Variants in ACAD9 observed in about 807,000 individuals in gnomAD.
ACAD9 encodes complex I assembly factor ACAD9, mitochondrial.
ACAD9 carries 53 observed loss-of-function variants against 70.2 expected under a neutral mutation model. The observed-to-expected ratio is 0.75, with a 90% CI of 0.61 to 0.95. ACAD9 has a LOEUF of 0.95. Ranked by LOEUF, ACAD9 falls within the 40% of genes least tolerant of loss-of-function variation. ACAD9 has a pLI of 0.00. For synonymous variants in ACAD9, 313 were observed against 312.1 expected, an observed-to-expected ratio of 1.00 and a Z score of -0.03; for missense variants, 777 against 802.8, an observed-to-expected ratio of 0.97 and a Z score of 0.39.
At chr3:128,900,976 C>A (rs1017645178) in intron 7 of ACAD9, among the ~76,000 whole-genome samples, 2 of 152,142 alleles carry the variant, frequency 1.3e-5, no homozygotes, top group Non-Finnish European at 2.9e-5. Context: ...AAAAGTCTGA[C>A]ATAGTCCTTA....
At position 128,912,601 on chromosome 3, in the gene ACAD9, A is replaced by C. The variant is rs762217879; in HGVS notation, c.1860A>C (p.Thr620=). The change falls in exon 18 of 18, where the codon ACA becomes ACC. Residue 620 remains threonine, a synonymous_variant. Coordinates refer to ENST00000308982, the MANE Select transcript of ACAD9 (RefSeq NM_014049.5). ...AYICAHPLDR[T]C ...TCTGTGCCCACCCTCTGGACAGGAC[A>C]TGCTGAGGCAGGGGACAGTGTCCCC... is the stretch of plus-strand genomic sequence containing the variant. 6.2e-7 allele frequency: 1 copy of C among 1,613,984 alleles called. No homozygotes were observed.
At position 128,906,105 on chromosome 3, in the gene ACAD9, G is replaced by T; in HGVS notation, c.1150-16G>T. The T allele has an allele frequency of 6.2e-7, 1 of 1,614,136 alleles. No individual in the cohort carries two copies. Among genetic ancestry groups the T allele is most frequent in the South Asian group, 1.1e-5 (1 of 91,092 alleles). On this transcript the variant is annotated splice_polypyrimidine_tract_variant and intron_variant, in intron 11 of 17. Transcript: ENST00000308982. ...AGGTCCTCCTTTTGGAAAGGATTCAGTGTGACACCCCACAGGTGTTCAGCT... is the reference window on the plus strand; with the variant it reads ...AGGTCCTCCTTTTGGAAAGGATTCATTGTGACACCCCACAGGTGTTCAGCT...
chr3:128,908,192 A>G lies in ACAD9; in HGVS notation c.1286A>G (p.Asn429Ser), dbSNP rs753077373. The G allele has an allele frequency of 1.2e-5, 19 of 1,614,024 alleles. No homozygotes were observed. The highest frequency in any genetic ancestry group is 5.3e-5 in the African/African-American group (4 of 74,940). Residue 429 changes from asparagine to serine, a missense_variant, in exon 13 of 18, where the codon AAT becomes AGT. Asn to Ser is a conservative substitution (Grantham distance 46, BLOSUM62 1). Coordinates refer to ENST00000308982, the MANE Select transcript of ACAD9 (RefSeq NM_014049.5). ...CTACACTACTGACCACAGGGAACCA[A>G]TGAGATTCTCCGGATGTACATCGCC... The part of the protein sequence containing the change: ...TRILLIFEGT[N>S]EILRMYIALT...
Position 128,902,414 on chromosome 3 carries a change from C to T in ACAD9, c.883-139C>T. On this transcript the variant is annotated intron_variant, in intron 8 of 17. Transcript: ENST00000308982. This position sits in a 1 kb window ranked among gnomAD's most constrained non-coding sequence, Gnocchi z 4.0. Reference sequence around the variant, plus strand: ...TGGTAGAGCTGCAACAGTGACTGAACCACCTTGTTCTGAGGCATTAGGATG... The same window carrying T: ...TGGTAGAGCTGCAACAGTGACTGAATCACCTTGTTCTGAGGCATTAGGATG... The T allele has an allele frequency of 3.8e-6, 3 of 783,550 alleles. No individual in the cohort carries two copies. The highest frequency in any genetic ancestry group is 6.7e-6 in the Non-Finnish European group (3 of 444,548). The allele number at this position is 783,550 out of a possible 1,614,324, so 48.5% of individuals were successfully genotyped here.
chr3:128,909,042 C>T lies in ACAD9; in HGVS notation c.1428C>T (p.Gly476=), dbSNP rs1446723103. 1 of 1,614,122 alleles carries T rather than the reference C, an allele frequency of 6.2e-7. No homozygotes were observed. Among genetic ancestry groups the T allele is most frequent in the Non-Finnish European group, 8.5e-7 (1 of 1,180,024 alleles). Residue 476 remains glycine (G), a synonymous_variant, in exon 14 of 18, where the codon GGC becomes GGT. Coordinates refer to ENST00000308982, the MANE Select transcript of ACAD9 (RefSeq NM_014049.5). Reference sequence around the variant, plus strand: ...GCCGGAGGCTTCGGGACTCCCTGGGCCGAACTGTGGACCTGGGGCTGACAG... The same window carrying T: ...GCCGGAGGCTTCGGGACTCCCTGGGTCGAACTGTGGACCTGGGGCTGACAG... The part of the protein sequence containing the change: ...TVGRRLRDSL[G]RTVDLGLTGN...
At position 128,884,440 on chromosome 3, in the gene ACAD9, C is replaced by T. The variant is rs138999688; in HGVS notation, c.151-213C>T. Among the ~76,000 whole-genome samples, 824 of 152,218 alleles carry T rather than the reference C, an allele frequency of 5.4e-3. 3 individuals carry two copies. The highest frequency in any genetic ancestry group is 7.7e-3 in the Admixed American group (117 of 15,278). On this transcript the variant is annotated intron_variant, in intron 1 of 17. Transcript: ENST00000308982. Reference sequence around the variant, plus strand: ...GAAAATCGGGAAGAACCTATTTGAACAGGGGAGGGAGATGGATGTGGGTGG... The same window carrying T: ...GAAAATCGGGAAGAACCTATTTGAATAGGGGAGGGAGATGGATGTGGGTGG...
intron 9 of ACAD9, 103 bp from the exon 10 acceptor site, chr3:128,903,959 C>T: frequency 1.1e-5 from 14 of 1,258,826 alleles, no homozygotes; most frequent in Non-Finnish European, 1.6e-5. Context: ...ACACGCTTCT[C>T]ACAGTGCCCA....
chr3:128,912,894 A>G lies in ACAD9; in HGVS notation c.*287A>G, dbSNP rs766056324. Reference sequence around the variant, plus strand: ...GTATTCTGGTCATTGAGGAGACACCATAGTGGAAACTGGGGCTTATGCTGC... The same window carrying G: ...GTATTCTGGTCATTGAGGAGACACCGTAGTGGAAACTGGGGCTTATGCTGC... On this transcript the variant is annotated 3_prime_UTR_variant, in exon 18 of 18. Transcript: ENST00000308982. 7.7e-5 allele frequency: 45 copies of G among 585,204 alleles called. No individual in the cohort carries two copies. Among genetic ancestry groups the G allele is most frequent in the Middle Eastern group, 9.5e-4 (2 of 2,102 alleles). The allele number at this position is 585,204 out of a possible 1,614,324, so 36.3% of individuals were successfully genotyped here. A position where few individuals can be genotyped will look rare whatever the true frequency, so the allele number is the denominator to read the frequency against.
chr3:128,905,988 C>G, intron 11 of ACAD9, 133 bp from the exon 12 acceptor site: 1 of 1,226,404 alleles, frequency 8.2e-7, no homozygotes, highest in East Asian at 2.4e-5. Flanking sequence ...AAGGACTTGA[C>G]CACATCACCC....
At position 128,902,532 on chromosome 3, in the gene ACAD9, C is replaced by CTCT. The variant is rs758787041; in HGVS notation, c.883-20_883-18dup. ...CTCTGCCTCCTTCAGGGCCCCTGGG[C>CTCT]TCTCCCTGTTCTCCCTGCAGGTGGC... On this transcript the variant is annotated intron_variant, in intron 8 of 17. Transcript: ENST00000308982. The surrounding 1 kb of genome is among the most constrained non-coding windows in gnomAD (Gnocchi z 4.0). The CTCT allele has an allele frequency of 6.2e-7, 1 of 1,613,960 alleles. No individual in the cohort carries two copies. The highest frequency in any genetic ancestry group is 1.1e-5 in the South Asian group (1 of 91,084).
At chr3:128,908,064 G>A (rs1366296987) in intron 12 of ACAD9, 121 bp from the exon 13 acceptor site, 1 of 929,352 alleles carries the variant, frequency 1.1e-6, no homozygotes, top group South Asian at 1.3e-5. Context: ...AGCTACTTCA[G>A]GAGCAGTGGC....
At chr3:128,890,209 C>T (rs930402607) in intron 2 of ACAD9, among the ~76,000 whole-genome samples, 4 of 151,904 alleles carry the variant, frequency 2.6e-5, no homozygotes, top group Non-Finnish European at 4.4e-5. Flanking sequence ...CTCAGCCTCC[C>T]GAGTAGCTGA....
At chr3:128,901,403 T>C (rs968614180) in intron 8 of ACAD9, 54 bp downstream of exon 8, 1 of 1,595,560 alleles carries the variant, frequency 6.3e-7, no homozygotes, top group African/African-American at 1.3e-5. Context: ...GTGCAGTTTG[T>C]CGCCCCCAGC....
chr3:128,912,511 T>G lies in ACAD9; in HGVS notation c.1770T>G (p.Ala590=). Residue 590 remains alanine (A), a synonymous_variant, in exon 18 of 18, where the codon GCT becomes GCG. Transcript: ENST00000308982. Reference sequence around the variant, plus strand: ...ATCTCTCCTTTTCCTTCCCAGATGCTCCAGAAAACCTAGATGAGCAGATTA... The same window carrying G: ...ATCTCTCCTTTTCCTTCCCAGATGCGCCAGAAAACCTAGATGAGCAGATTA... ...LFSLSQLDKY[A]PENLDEQIKK... is the part of the protein sequence containing the mutation. The G allele has an allele frequency of 6.2e-7, 1 of 1,613,548 alleles. No homozygotes were observed. The highest frequency in any genetic ancestry group is 8.5e-7 in the Non-Finnish European group (1 of 1,179,574).
At position 128,893,625 on chromosome 3, in the gene ACAD9, G is replaced by A. The variant is rs765742733; in HGVS notation, c.315G>A (p.Gly105=). The A allele has an allele frequency of 4.3e-6, 7 of 1,614,034 alleles. No homozygotes were observed. In the Admixed American group the frequency reaches 8.3e-5, roughly 19 times the overall value. Residue 105 remains glycine, a synonymous_variant, in exon 3 of 18, where the codon GGG becomes GGA. Coordinates refer to ENST00000308982, the MANE Select transcript of ACAD9 (RefSeq NM_014049.5). ...DETLEKLKSL[G]LFGLQVPEEY... is the part of the protein sequence containing the mutation. Reference sequence around the variant, plus strand: ...CTTTGGAGAAATTGAAGAGCCTAGGGCTTTTTGGGCTGCAAGTCCCAGAAG... The same window carrying A: ...CTTTGGAGAAATTGAAGAGCCTAGGACTTTTTGGGCTGCAAGTCCCAGAAG...
Position 128,909,116 on chromosome 3 carries a change from G to A in ACAD9, c.1485+17G>A. 1.2e-6 allele frequency: 2 copies of A among 1,613,782 alleles called. No individual in the cohort carries two copies. The highest frequency in any genetic ancestry group is 1.7e-6 in the Non-Finnish European group (2 of 1,179,978). ...AGTCTTGCGGTGAGTGGGCCTAACA[G>A]GCATACCCCCTATTTCAATGCCCTC... On this transcript the variant is annotated intron_variant, in intron 14 of 17. Coordinates refer to ENST00000308982, the MANE Select transcript of ACAD9 (RefSeq NM_014049.5).
rs185633950 is a variant in ACAD9 at position 128,904,318 on chromosome 3, C to G, written c.1030-68C>G. 1.9e-3 allele frequency: 3,076 copies of G among 1,613,666 alleles called. 4 individuals are homozygous for G. The highest frequency in any genetic ancestry group is 2.5e-3 in the Non-Finnish European group (2,937 of 1,179,810). ...GAGGCTTCTGACTTAATTACTTTCT[C>G]TCCTGTTTCACAGATTTGGCTCTCA... On this transcript the variant is annotated intron_variant, in intron 10 of 17. Transcript: ENST00000308982.
chr3:128,899,625 T>G (rs1213716893), intron 7 of ACAD9, among the ~76,000 whole-genome samples, 164 bp downstream of exon 7: 2 of 152,072 alleles, frequency 1.3e-5, no homozygotes, highest in Non-Finnish European at 2.9e-5. Context: ...TTAAACACTT[T>G]CAGTTTTTGT....
chr3:128,892,009 T>C (rs575541538), intron 2 of ACAD9, among the ~76,000 whole-genome samples: 77 of 152,330 alleles, frequency 5.1e-4, no homozygotes, highest in African/African-American at 1.8e-3. Context: ...CGGGTGAATC[T>C]GTAAATCATG....
Sources: allele counts gnomAD v4.1 joint callset (sites outside exome capture counted in the v4.1 genomes callset), GRCh38; gene constraint gnomAD v4.1.1; non-coding constraint Gnocchi (gnomAD v3.1); transcripts MANE v1.5; gene names NCBI Gene and HGNC (gene_info 2026-07-23, HGNC 2026-07-21).